Variants in EVI5 observed in about 807,000 individuals in gnomAD.
EVI5 encodes the protein ecotropic viral integration site 5 protein homolog.
A neutral mutation model predicts 112.0 loss-of-function variants in EVI5; 73 were observed. The observed-to-expected ratio is 0.65, with a 90% CI of 0.54 to 0.79. EVI5 has a LOEUF of 0.79. Ranked by LOEUF, EVI5 falls within the 30% of genes least tolerant of loss-of-function variation. The pLI, the probability that EVI5 is intolerant of heterozygous loss-of-function variation, is 0.00. For missense variants in EVI5, 900 were observed against 968.8 expected, an observed-to-expected ratio of 0.93 and a Z score of 0.94; for synonymous variants, 305 against 319.9, an observed-to-expected ratio of 0.95 and a Z score of 0.50.
chr1:92,695,540 A>C, intron 6 of EVI5, 87 bp from the exon 7 acceptor site: 1 of 787,418 alleles, frequency 1.3e-6, no homozygotes, highest in Non-Finnish European at 1.9e-6. Context: ...GCCTATACCA[A>C]ACACAGATTA....
intron 17 of EVI5, among the ~76,000 whole-genome samples, chr1:92,607,216 C>T (rs564362177): frequency 2.4e-4 from 37 of 152,112 alleles, no homozygotes; most frequent in Non-Finnish European, 4.9e-4. Flanking sequence ...AATAAGATAC[C>T]AATCAAAGCA....
chr1:92,517,923 G>A lies in EVI5; in HGVS notation c.2167-3953C>T, dbSNP rs887433483. Among the ~76,000 whole-genome samples, 8 of 132,342 alleles carry A rather than the reference G, an allele frequency of 6.0e-5. No homozygotes were observed. In the South Asian group the frequency reaches 9.4e-4, roughly 15 times the overall value. The allele number at this position is 132,342 out of a possible 152,430, so 86.8% of individuals were successfully genotyped here. A position where few individuals can be genotyped will look rare whatever the true frequency, so the allele number is the denominator to read the frequency against. On this transcript the variant is annotated intron_variant, in intron 19 of 19. Coordinates refer to ENST00000684568, the MANE Select transcript of EVI5 (RefSeq NM_001350197.2). ...TTTTTTTTTTGGTCGGGGGAGACAC[G>A]GTCTGGCACTGTTGCCCAGGCTGGA...
Position 92,792,272 on chromosome 1 carries a change from A to G in EVI5, c.51+72T>C, listed in dbSNP as rs909236888. 1.6e-5 allele frequency: 16 copies of G among 985,354 alleles called. No homozygotes were observed. In the East Asian group the frequency reaches 3.9e-4, roughly 24 times the overall value. 61.0% of individuals were successfully genotyped at this position (985,354 alleles called of 1,614,324 possible). On this transcript the variant is annotated intron_variant, in intron 1 of 17. Coordinates refer to the EVI5 transcript ENST00000370331. ...TATACAAATCCTAACTCAATAACAAATTACTTTCTGTTACAGCAATTACAT... is the reference window on the plus strand; with the variant it reads ...TATACAAATCCTAACTCAATAACAAGTTACTTTCTGTTACAGCAATTACAT...
chr1:92,566,803 CTTTTTTTTTTTT>C (rs57042163), intron 18 of EVI5, among the ~76,000 whole-genome samples: 1 of 97,880 alleles, frequency 1.0e-5, no homozygotes, highest in African/African-American at 3.6e-5. Context: ...TGTGTGCCTG[CTTTTTTTTTTTT>C]TTTTTTTTTT....
At chr1:92,747,388 GT>G (rs1679428811) in intron 1 of EVI5, among the ~76,000 whole-genome samples, 1 of 152,072 alleles carries the variant, frequency 6.6e-6, no homozygotes, top group African/African-American at 2.4e-5. Context: ...TAGTACTGCT[GT>G]TACAAAGTAC....
chr1:92,659,926 GT>G (rs1249455937), intron 13 of EVI5, among the ~76,000 whole-genome samples: 1 of 151,944 alleles, frequency 6.6e-6, no homozygotes, highest in East Asian at 1.9e-4. Context: ...GAAATTATGT[GT>G]TTTGGAGCAA....
At chr1:92,775,622 A>T (rs1684013150) in intron 1 of EVI5, among the ~76,000 whole-genome samples, 1 of 152,116 alleles carries the variant, frequency 6.6e-6, no homozygotes, top group African/African-American at 2.4e-5. Context: ...AGGCTCTATT[A>T]TCTAGCTTTG....
At chr1:92,686,847 C>T (rs2102407873) in intron 9 of EVI5, among the ~76,000 whole-genome samples, 2 of 152,228 alleles carry the variant, frequency 1.3e-5, no homozygotes, top group South Asian at 4.1e-4. Flanking sequence ...ATGTGAAGGA[C>T]CTCTTCAAGG....
intron 19 of EVI5, among the ~76,000 whole-genome samples, chr1:92,519,724 C>T (rs1660557482): frequency 6.6e-6 from 1 of 151,620 alleles, no homozygotes; most frequent in Non-Finnish European, 1.5e-5. Context: ...GAAACTCCGT[C>T]GTCTCTACTA....
intron 19 of EVI5, among the ~76,000 whole-genome samples, chr1:92,545,439 G>A (rs1665525641): frequency 1.3e-5 from 2 of 150,872 alleles, no homozygotes; most frequent in South Asian, 4.2e-4. Flanking sequence ...GGTTTTTAAA[G>A]TGAATTACTA....
At chr1:92,650,667 T>C (rs960598772) in intron 13 of EVI5, among the ~76,000 whole-genome samples, 2 of 152,140 alleles carry the variant, frequency 1.3e-5, no homozygotes, top group South Asian at 4.1e-4. Context: ...CCAAATTTTC[T>C]ATCTGATCCA....
At chr1:92,693,347 C>T (rs1172923728) in intron 9 of EVI5, among the ~76,000 whole-genome samples, 1 of 152,124 alleles carries the variant, frequency 6.6e-6, no homozygotes, top group African/African-American at 2.4e-5. Context: ...AATCACACCA[C>T]TGTACTCCAG....
At chr1:92,770,162 G>C (rs538995083) in intron 1 of EVI5, among the ~76,000 whole-genome samples, 32 of 152,288 alleles carry the variant, frequency 2.1e-4, no homozygotes, top group African/African-American at 7.5e-4. Context: ...CTTTAACCCA[G>C]TGAAACATTT....
chr1:92,552,794 T>C (rs1449278931), intron 19 of EVI5, among the ~76,000 whole-genome samples: 1 of 152,188 alleles, frequency 6.6e-6, no homozygotes, highest in African/African-American at 2.4e-5. Flanking sequence ...ACTTGGTTTC[T>C]TACATTTTTA....
intron 2 of EVI5, among the ~76,000 whole-genome samples, chr1:92,713,654 G>A (rs984264249): frequency 1.7e-4 from 26 of 152,142 alleles, no homozygotes; most frequent in African/African-American, 6.0e-4. Context: ...GTGCATGCCT[G>A]TGATCCCAGC....
intron 19 of EVI5, among the ~76,000 whole-genome samples, chr1:92,561,466 T>C (rs1668522525): frequency 6.6e-6 from 1 of 152,140 alleles, no homozygotes; most frequent in East Asian, 1.9e-4. Context: ...TTGTATAAGG[T>C]AAGACTGCTT....
At position 92,703,448 on chromosome 1, in the gene EVI5, A is replaced by C; in HGVS notation, c.511T>G (p.Phe171Val). 3 of 1,588,918 alleles carry C rather than the reference A, an allele frequency of 1.9e-6. No homozygotes were observed. Among genetic ancestry groups the C allele is most frequent in the Non-Finnish European group, 2.6e-6 (3 of 1,173,434 alleles). ...CCAAGGCTATCTTTTTCCTTAAAAA[A>C]GTTGTGTTCAGGGTAAGTTCTAGCA... The part of the protein sequence containing the change: ...DIARTYPEHN[F>V]FKEKDSLGQE... The change falls in exon 4 of 20, where the codon TTT (phenylalanine) becomes GTT (valine). Residue 171 changes from phenylalanine to valine, a missense_variant. Transcript: ENST00000684568.
At chr1:92,539,078 GTATAGCTGGAA>G (rs1319582662) in intron 19 of EVI5, among the ~76,000 whole-genome samples, 8 of 152,154 alleles carry the variant, frequency 5.3e-5, no homozygotes, top group Non-Finnish European at 1.5e-5. Context: ...GTATTTTGTG[GTATAGCTGGAA>G]CAATAAGAGC....
At chr1:92,661,436 T>G (rs954999385) in intron 13 of EVI5, among the ~76,000 whole-genome samples, 4 of 152,156 alleles carry the variant, frequency 2.6e-5, no homozygotes, top group African/African-American at 9.6e-5. Context: ...TGTAAAAAAT[T>G]TAATTCATGA....
Sources: allele counts gnomAD v4.1 joint callset (sites outside exome capture counted in the v4.1 genomes callset), GRCh38; gene constraint gnomAD v4.1.1; transcripts MANE v1.5; gene names NCBI Gene and HGNC (gene_info 2026-07-23, HGNC 2026-07-21).